CADM1: variants seen among roughly 807,000 people sequenced by gnomAD.
CADM1 encodes the protein TSLC-1.
Under a neutral mutation model 53.1 loss-of-function variants are expected in CADM1, and 15 were observed. The ratio of observed to expected loss-of-function variants is 0.28; its 90% CI spans 0.19 to 0.44. CADM1 has a LOEUF of 0.44. Ranked by LOEUF, CADM1 falls within the 20% of genes least tolerant of loss-of-function variation. The pLI is 1.00. For missense variants in CADM1, 434 were observed against 611.3 expected, an observed-to-expected ratio of 0.71 and a Z score of 3.06; for synonymous variants, 281 against 243.0, an observed-to-expected ratio of 1.16 and a Z score of -1.45.
At chr11:115,286,486 G>T (rs566529463) in intron 1 of CADM1, among the ~76,000 whole-genome samples, 72 of 152,296 alleles carry the variant, frequency 4.7e-4, no homozygotes, top group African/African-American at 1.7e-3. Context: ...GAGTTTAAAT[G>T]CAGTGACCTG....
chr11:115,217,894 G>C lies in CADM1; in HGVS notation c.819C>G (p.Pro273=). Residue 273 remains proline (P), a splice_region_variant and synonymous_variant, in exon 6 of 12, where the codon CCC becomes CCG. Coordinates refer to ENST00000331581, the MANE Select transcript of CADM1 (RefSeq NM_001301043.2). ...CAACTTTGGCCTTCAGAACTTACTG[G>C]GGCTTCCCGATGGCTTCACATGTTA... ...LELTCEAIGK[P]QPVMVTWVRV... The C allele has an allele frequency of 6.2e-7, 1 of 1,611,722 alleles. No homozygotes were observed. The highest frequency in any genetic ancestry group is 8.5e-7 in the Non-Finnish European group (1 of 1,177,974).
intron 10 of CADM1, 119 bp downstream of exon 10, chr11:115,190,769 T>G: frequency 1.3e-6 from 1 of 793,608 alleles, no homozygotes; most frequent in Non-Finnish European, 2.0e-6. Context: ...CAAATTTGTT[T>G]TTTGTTAGTC....
chr11:115,424,482 G>A (rs1947837104), intron 1 of CADM1, among the ~76,000 whole-genome samples: 9 of 152,200 alleles, frequency 5.9e-5, no homozygotes, highest in Admixed American at 5.9e-4. Context: ...TAAAGAAGTA[G>A]TAAGACAAAC....
At chr11:115,411,339 T>C (rs1400014203) in intron 1 of CADM1, among the ~76,000 whole-genome samples, 2 of 152,246 alleles carry the variant, frequency 1.3e-5, no homozygotes, top group Non-Finnish European at 2.9e-5. Flanking sequence ...TAACACAATC[T>C]GTACCACTCA....
chr11:115,247,133 C>CA (rs1256708333), intron 1 of CADM1, among the ~76,000 whole-genome samples: 1 of 152,112 alleles, frequency 6.6e-6, no homozygotes, highest in Non-Finnish European at 1.5e-5. Flanking sequence ...CATTGAATTC[C>CA]AAAAGCTGAT....
Position 115,274,912 on chromosome 11 carries a change from A to G in CADM1, c.125-34492T>C, listed in dbSNP as rs547811581. ...TCTTGACTCCTGCCCTGGGTCCTCT[A>G]CAAAGTCCCTTCCCACGAATTTGTC... On this transcript the variant is annotated intron_variant, in intron 1 of 11. Coordinates refer to ENST00000331581, the MANE Select transcript of CADM1 (RefSeq NM_001301043.2). Among the ~76,000 whole-genome samples, 105 of 152,180 alleles carry G rather than the reference A, an allele frequency of 6.9e-4. 1 individual carries two copies. The highest frequency in any genetic ancestry group is 2.4e-3 in the African/African-American group (100 of 41,524).
At chr11:115,405,902 G>A (rs1433765243) in intron 1 of CADM1, among the ~76,000 whole-genome samples, 1 of 152,176 alleles carries the variant, frequency 6.6e-6, no homozygotes, top group Non-Finnish European at 1.5e-5. Flanking sequence ...TAAGGTGAGG[G>A]AGGGGGCAGA....
chr11:115,316,821 G>A (rs1277033257), intron 1 of CADM1, among the ~76,000 whole-genome samples: 1 of 152,092 alleles, frequency 6.6e-6, no homozygotes, highest in Non-Finnish European at 1.5e-5. Flanking sequence ...TCTTTTACAA[G>A]GAATAAAACT....
chr11:115,181,563 C>A (rs1036603165), intron 10 of CADM1, among the ~76,000 whole-genome samples: 1 of 152,208 alleles, frequency 6.6e-6, no homozygotes, highest in African/African-American at 2.4e-5. Flanking sequence ...CAGAAGGTAA[C>A]TGATGTTTAA....
chr11:115,405,056 C>G (rs1228321869), intron 1 of CADM1, among the ~76,000 whole-genome samples: 1 of 152,128 alleles, frequency 6.6e-6, no homozygotes, highest in Non-Finnish European at 1.5e-5. Flanking sequence ...AACTCCTAGG[C>G]TCAAGCAATC....
chr11:115,467,384 G>T (rs1454976819), intron 1 of CADM1, among the ~76,000 whole-genome samples: 1 of 152,208 alleles, frequency 6.6e-6, no homozygotes, highest in African/African-American at 2.4e-5. Flanking sequence ...GCTTGAAGGT[G>T]CAAGGCTGCT....
At chr11:115,380,465 T>C (rs1946547406) in intron 1 of CADM1, among the ~76,000 whole-genome samples, 1 of 152,236 alleles carries the variant, frequency 6.6e-6, no homozygotes, top group African/African-American at 2.4e-5. Context: ...GAAACCCTAA[T>C]GATTATCTGA....
intron 1 of CADM1, among the ~76,000 whole-genome samples, chr11:115,498,360 C>T (rs190214543): frequency 6.6e-4 from 101 of 152,208 alleles, no homozygotes; most frequent in African/African-American, 2.3e-3. Flanking sequence ...GTATTTATAC[C>T]ATGGAGGCCT....
intron 2 of CADM1, among the ~76,000 whole-genome samples, chr11:115,239,689 G>A (rs1478923519): frequency 2.0e-5 from 3 of 151,168 alleles, no homozygotes; most frequent in Admixed American, 6.6e-5. Context: ...GTTAGGCACC[G>A]ATGCTCTCCA....
At chr11:115,232,128 G>A (rs1941842087) in intron 3 of CADM1, among the ~76,000 whole-genome samples, 1 of 152,066 alleles carries the variant, frequency 6.6e-6, no homozygotes, top group Non-Finnish European at 1.5e-5. Context: ...TATAAAAGGG[G>A]AGTACATGCT....
chr11:115,442,216 G>A (rs1948330787), intron 1 of CADM1, among the ~76,000 whole-genome samples: 1 of 151,540 alleles, frequency 6.6e-6, no homozygotes, highest in Non-Finnish European at 1.5e-5. Flanking sequence ...AGGGACCAAT[G>A]AGTGAACATC....
intron 1 of CADM1, among the ~76,000 whole-genome samples, chr11:115,335,014 C>T (rs1361606714): frequency 6.6e-6 from 1 of 152,100 alleles, no homozygotes; most frequent in East Asian, 1.9e-4. Flanking sequence ...AAATTTCCAA[C>T]AAGTAGTCAT....
chr11:115,225,212 C>T (rs1359590335), intron 5 of CADM1, among the ~76,000 whole-genome samples: 1 of 151,896 alleles, frequency 6.6e-6, no homozygotes. Flanking sequence ...CAAACGAGCA[C>T]CCAACAGGGA....
intron 1 of CADM1, among the ~76,000 whole-genome samples, chr11:115,490,753 A>T (rs778547964): frequency 1.3e-5 from 2 of 152,136 alleles, no homozygotes; most frequent in Non-Finnish European, 2.9e-5. Context: ...AATGCAGTTA[A>T]GTGTTTAAAA....
Sources: allele counts gnomAD v4.1 joint callset (sites outside exome capture counted in the v4.1 genomes callset), GRCh38; gene constraint gnomAD v4.1.1; transcripts MANE v1.5; gene names NCBI Gene and HGNC (gene_info 2026-07-23, HGNC 2026-07-21).